The following IQGAP1 variants were observed in gnomAD, a reference collection of about 807,000 sequenced individuals.
IQGAP1 encodes the protein ras GTPase-activating-like protein IQGAP1.
In IQGAP1, 66 loss-of-function variants were observed where a neutral mutation model predicts 215.6. The ratio of observed to expected loss-of-function variants is 0.31; its 90% CI spans 0.25 to 0.38. IQGAP1 has a LOEUF of 0.38. IQGAP1 is among the 10% of genes least tolerant of loss of function. The pLI, the probability that IQGAP1 is intolerant of heterozygous loss-of-function variation, is 1.00. For synonymous variants in IQGAP1, 772 were observed against 728.7 expected (o/e 1.06, Z -0.96); for missense variants, 1,712 against 1,997.1 (o/e 0.86, Z 2.72).
rs146358845 is a variant in IQGAP1, at chr15:90,482,028, G to C, written c.3398G>C (p.Ser1133Thr). Residue 1133 changes from serine (S) to threonine (T), a missense_variant, in exon 27 of 38, where the codon AGC becomes ACC. Physicochemically the swap from Ser to Thr is moderately conservative, Grantham distance 58. Coordinates refer to ENST00000268182, the MANE Select transcript of IQGAP1 (RefSeq NM_003870.4). Reference protein sequence around the residue: ...AHEEVKTRLDSSIRNMRAVTD... With the variant: ...AHEEVKTRLDTSIRNMRAVTD... Reference sequence around the variant, plus strand: ...GAAGAAGTGAAGACACGGCTAGACAGCTCCATCAGGAACATGCGGGCTGTG... The same window carrying C: ...GAAGAAGTGAAGACACGGCTAGACACCTCCATCAGGAACATGCGGGCTGTG... 3 of 1,614,092 alleles carry C rather than the reference G, an allele frequency of 1.9e-6. No homozygotes were observed. The highest frequency in any genetic ancestry group is 2.5e-6 in the Non-Finnish European group (3 of 1,180,044).
At chr15:90,434,307 G>T (rs925504148) in intron 5 of IQGAP1, among the ~76,000 whole-genome samples, 1 of 151,810 alleles carries the variant, frequency 6.6e-6, no homozygotes, top group Non-Finnish European at 1.5e-5. Flanking sequence ...GCATGGTGGC[G>T]GGTGCCTGTA....
intron 2 of IQGAP1, among the ~76,000 whole-genome samples, chr15:90,414,517 C>T (rs1275736875): frequency 6.6e-6 from 1 of 152,258 alleles, no homozygotes; most frequent in East Asian, 1.9e-4. Context: ...CCACCCGCCT[C>T]TCTGCAGCAT....
chr15:90,486,362 C>T (rs563153661), intron 31 of IQGAP1: 12 of 351,228 alleles, frequency 3.4e-5, no homozygotes, highest in South Asian at 1.3e-4. Flanking sequence ...TCATTTTAAA[C>T]GCAGATACAT....
At chr15:90,455,139 G>T (rs1186679954) in intron 14 of IQGAP1, among the ~76,000 whole-genome samples, 1 of 152,216 alleles carries the variant, frequency 6.6e-6, no homozygotes, top group Non-Finnish European at 1.5e-5. Flanking sequence ...TTCTCAGGAT[G>T]TGTCACTCTC....
intron 2 of IQGAP1, among the ~76,000 whole-genome samples, chr15:90,421,768 A>C (rs1965140143): frequency 6.6e-6 from 1 of 152,114 alleles, no homozygotes; most frequent in African/African-American, 2.4e-5. Flanking sequence ...ATCTCAGCTC[A>C]TGCCTCAGTT....
intron 2 of IQGAP1, among the ~76,000 whole-genome samples, chr15:90,418,093 A>T (rs1367050511): frequency 6.6e-6 from 1 of 152,182 alleles, no homozygotes; most frequent in Non-Finnish European, 1.5e-5. Flanking sequence ...GTTACCAGAG[A>T]GTAATTCCCT....
At position 90,487,074 on chromosome 15, in the gene IQGAP1, G is replaced by C; in HGVS notation, c.4145G>C (p.Arg1382Pro). Residue 1382 changes from arginine (R) to proline (P), a missense_variant, in exon 32 of 38, where the codon CGA becomes CCA. By Grantham distance (103) the Arg-to-Pro change is moderately radical (BLOSUM62 -2). Coordinates refer to ENST00000268182, the MANE Select transcript of IQGAP1 (RefSeq NM_003870.4). ...PGDENAEMDARTILLNTKRLI... is the reference protein window; with the variant it reads ...PGDENAEMDAPTILLNTKRLI... ...GATGAGAATGCAGAAATGGATGCTC[G>C]AACCATCTTACTGAAGTGAGTATCA... is the stretch of plus-strand genomic sequence containing the variant. The C allele has an allele frequency of 6.2e-7, 1 of 1,613,988 alleles. No homozygotes were observed. Among genetic ancestry groups the C allele is most frequent in the Non-Finnish European group, 8.5e-7 (1 of 1,179,948 alleles).
Position 90,487,199 on chromosome 15 carries a change from C to T in IQGAP1, c.4160+110C>T, listed in dbSNP as rs1032168170. Reference sequence around the variant, plus strand: ...GAAATGACCATCCTGACCTCTCGTACTTGTCATAATCCCAGTCACCAATCA... The same window carrying T: ...GAAATGACCATCCTGACCTCTCGTATTTGTCATAATCCCAGTCACCAATCA... On this transcript the variant is annotated intron_variant, in intron 32 of 37. Transcript: ENST00000268182. 1.1e-5 allele frequency: 12 copies of T among 1,056,398 alleles called. No individual in the cohort carries two copies. The African/African-American group carries it at 1.4e-4, about 13-fold the overall frequency. The allele number at this position is 1,056,398 out of a possible 1,614,324, so 65.4% of individuals were successfully genotyped here. A position where few individuals can be genotyped will look rare whatever the true frequency, so the allele number is the denominator to read the frequency against.
intron 18 of IQGAP1, among the ~76,000 whole-genome samples, chr15:90,472,568 G>T (rs1965920940): frequency 6.6e-6 from 1 of 152,120 alleles, no homozygotes. Flanking sequence ...AGCCTAGTCA[G>T]TGTTGGATAG....
chr15:90,476,209 CA>C (rs1965977560), intron 23 of IQGAP1, among the ~76,000 whole-genome samples: 1 of 152,122 alleles, frequency 6.6e-6, no homozygotes, highest in African/African-American at 2.4e-5. Context: ...GCTGGGATTA[CA>C]GGTGTGAGCC....
Position 90,429,673 on chromosome 15 carries a change from T to TA in IQGAP1, c.390+8dup. 1 of 1,576,624 alleles carries TA rather than the reference T, an allele frequency of 6.3e-7. No homozygotes were observed. Among genetic ancestry groups the TA allele is most frequent in the Non-Finnish European group, 8.7e-7 (1 of 1,153,670 alleles). On this transcript the variant is annotated splice_region_variant and intron_variant, in intron 4 of 37. Transcript: ENST00000268182. ...TGAGATTGGATTGCCTAAGGTAACT[T>TA]ACCTGAGATAATAGTTTAGGCTTTG...
intron 2 of IQGAP1, among the ~76,000 whole-genome samples, chr15:90,394,729 A>G (rs977881365): frequency 1.3e-5 from 2 of 152,156 alleles, no homozygotes; most frequent in Non-Finnish European, 2.9e-5. Context: ...AGTAACTCTA[A>G]GGCCAGGAAT....
intron 9 of IQGAP1, among the ~76,000 whole-genome samples, chr15:90,446,719 G>A (rs925057537): frequency 2.0e-5 from 3 of 152,192 alleles, no homozygotes; most frequent in African/African-American, 7.2e-5. Context: ...ATTCGAAACA[G>A]CAATGAGGCC....
intron 23 of IQGAP1, 44 bp downstream of exon 23, chr15:90,474,737 C>T (rs770477985): frequency 3.9e-5 from 55 of 1,405,660 alleles, no homozygotes; most frequent in Non-Finnish European, 5.2e-5. Context: ...GTTCATCCTG[C>T]TTTGTAACCC....
intron 35 of IQGAP1, among the ~76,000 whole-genome samples, chr15:90,493,704 ACT>A (rs1171392427): frequency 6.6e-6 from 1 of 151,364 alleles, no homozygotes; most frequent in African/African-American, 2.4e-5. Flanking sequence ...TCCATGGAAG[ACT>A]CTCTGGGGTC....
rs1965924070 is a variant in IQGAP1 at position 90,472,837 on chromosome 15, C to T, written c.2179-3C>T. On this transcript the variant is annotated splice_polypyrimidine_tract_variant and splice_region_variant and intron_variant, in intron 18 of 37. Coordinates refer to ENST00000268182, the MANE Select transcript of IQGAP1 (RefSeq NM_003870.4). ...TCTTTGAATGTGACCACTGCTTTTT[C>T]AGAGTTCTATCTCTGGGGTGACTGC... 1.3e-6 allele frequency: 2 copies of T among 1,596,454 alleles called. No homozygotes were observed. Among genetic ancestry groups the T allele is most frequent in the Non-Finnish European group, 1.7e-6 (2 of 1,170,226 alleles).
At chr15:90,448,872 A>T in intron 10 of IQGAP1, 136 bp downstream of exon 10, 1 of 776,546 alleles carries the variant, frequency 1.3e-6, no homozygotes, top group Non-Finnish European at 1.8e-6. Context: ...ATTAGTTTAA[A>T]AAAAAATCCT....
At chr15:90,489,707 A>G (rs16944511) in intron 33 of IQGAP1, among the ~76,000 whole-genome samples, 4,087 of 152,308 alleles carry the variant, frequency 0.027, 124 homozygotes, top group African/African-American at 0.072. Context: ...GTCAGTTGCT[A>G]TGACTGATTA....
intron 5 of IQGAP1, among the ~76,000 whole-genome samples, chr15:90,437,963 A>T (rs1965393360): frequency 6.6e-6 from 1 of 152,214 alleles, no homozygotes; most frequent in Non-Finnish European, 1.5e-5. Context: ...CACTTCTCTG[A>T]GAAAATGTTT....
Sources: gnomAD v4.1 joint callset for allele counts (sites outside exome capture counted in the v4.1 genomes callset) on GRCh38, gnomAD v4.1.1 for gene constraint, MANE v1.5 for transcripts, NCBI Gene and HGNC (gene_info 2026-07-23, HGNC 2026-07-21) for gene names.